Variants in NEK11 observed in about 807,000 individuals in gnomAD.
The protein encoded by NEK11 is serine/threonine-protein kinase Nek11.
Under a neutral mutation model 80.7 loss-of-function variants are expected in NEK11, and 72 were observed. The observed-to-expected ratio is 0.89, with a 90% confidence interval of 0.74 to 1.08. The LOEUF (loss-of-function observed/expected upper bound fraction) is 1.08. Ranked by LOEUF, NEK11 falls within the 50% of genes least tolerant of loss-of-function variation. The probability of loss-of-function intolerance (pLI) is 0.00; values close to 1 mark genes in which losing one functional copy is unlikely to be tolerated. For missense variants in NEK11, 764 were observed against 763.6 expected, an observed-to-expected ratio of 1.00 and a Z score of -0.01; for synonymous variants, 251 against 260.7, an observed-to-expected ratio of 0.96 and a Z score of 0.36.
At chr3:131,238,721 G>A (rs949915703) in intron 15 of NEK11, among the ~76,000 whole-genome samples, 1 of 152,192 alleles carries the variant, frequency 6.6e-6, no homozygotes, top group East Asian at 1.9e-4. Flanking sequence ...AAAGCTCCAG[G>A]TCATGAAAAC....
At chr3:131,112,525 T>TA (rs2080305001) in intron 5 of NEK11, among the ~76,000 whole-genome samples, 2 of 152,194 alleles carry the variant, frequency 1.3e-5, no homozygotes, top group South Asian at 2.1e-4. Context: ...GATATATATG[T>TA]AAAAAATCAT....
At chr3:131,241,500 GA>G (rs1388729214) in intron 15 of NEK11, among the ~76,000 whole-genome samples, 4 of 151,974 alleles carry the variant, frequency 2.6e-5, no homozygotes, top group Non-Finnish European at 5.9e-5. Context: ...TTTCTGTTTG[GA>G]AACAGAAAAA....
At chr3:131,103,496 C>T (rs570751091) in intron 4 of NEK11, among the ~76,000 whole-genome samples, 8 of 152,292 alleles carry the variant, frequency 5.3e-5, no homozygotes, top group African/African-American at 1.9e-4. Context: ...AGCGTATTTG[C>T]TGGTAGAGGC....
chr3:131,171,581 A>C (rs1237139264), intron 14 of NEK11, among the ~76,000 whole-genome samples: 1 of 152,212 alleles, frequency 6.6e-6, no homozygotes, highest in African/African-American at 2.4e-5. Flanking sequence ...CTGACAACAT[A>C]ATCTCTCTAG....
At chr3:131,196,676 G>GC (rs2094023287) in intron 14 of NEK11, among the ~76,000 whole-genome samples, 1 of 151,958 alleles carries the variant, frequency 6.6e-6, no homozygotes, top group African/African-American at 2.4e-5. Context: ...TGGGACTACA[G>GC]GTGGTGCCAC....
intron 15 of NEK11, 23 bp downstream of exon 15, chr3:131,228,711 A>G: frequency 5.6e-6 from 9 of 1,605,688 alleles, no homozygotes; most frequent in Non-Finnish European, 6.8e-6. Flanking sequence ...CCCTGTCGGA[A>G]GCCATGGAAC....
Position 131,347,467 on chromosome 3 carries a change from A to G in NEK11, c.1719-2090A>G, listed in dbSNP as rs1445418150. Among the ~76,000 whole-genome samples, 4 of 152,216 alleles carry G rather than the reference A, an allele frequency of 2.6e-5. No homozygotes were observed. In the South Asian group the frequency reaches 8.3e-4, roughly 32 times the overall value. On this transcript the variant is annotated intron_variant, in intron 17 of 17. Coordinates refer to ENST00000383366, the MANE Select transcript of NEK11 (RefSeq NM_024800.5). Reference sequence around the variant, plus strand: ...AGAAGAATTACCTATTCATCTCTTTATCGGCCACAATACGTAACACATATC... The same window carrying G: ...AGAAGAATTACCTATTCATCTCTTTGTCGGCCACAATACGTAACACATATC...
At chr3:131,338,272 T>G (rs1046130258) in intron 17 of NEK11, among the ~76,000 whole-genome samples, 4 of 147,404 alleles carry the variant, frequency 2.7e-5, no homozygotes, top group Non-Finnish European at 6.0e-5. Context: ...GCTGGTTTTT[T>G]TTTTTTTTTT....
intron 13 of NEK11, among the ~76,000 whole-genome samples, chr3:131,170,465 G>T (rs1302556244): frequency 6.6e-6 from 1 of 152,090 alleles, no homozygotes; most frequent in African/African-American, 2.4e-5. Flanking sequence ...ATTGAAGAAG[G>T]CCCCCCTCAG....
chr3:131,219,568 A>AAT (rs397734854), intron 14 of NEK11, among the ~76,000 whole-genome samples: 5 of 151,370 alleles, frequency 3.3e-5, no homozygotes, highest in African/African-American at 1.2e-4. Flanking sequence ...AAAAAAAAAA[A>AAT]GAGGAATAAG....
intron 17 of NEK11, among the ~76,000 whole-genome samples, chr3:131,309,866 G>A (rs2096760554): frequency 6.6e-6 from 1 of 151,608 alleles, no homozygotes; most frequent in Non-Finnish European, 1.5e-5. Context: ...GCACATGCCT[G>A]TAGTCCCAGC....
chr3:131,109,979 T>A, intron 5 of NEK11, 58 bp downstream of exon 5: 10 of 1,517,778 alleles, frequency 6.6e-6, no homozygotes, highest in Non-Finnish European at 7.0e-6. Context: ...TGTTTGAACT[T>A]GAAAAGTGAA....
intron 17 of NEK11, among the ~76,000 whole-genome samples, chr3:131,306,589 T>C (rs910526668): frequency 2.0e-5 from 3 of 152,206 alleles, no homozygotes; most frequent in Non-Finnish European, 1.5e-5. Context: ...GGACATTTTC[T>C]TTCACCTGGG....
At chr3:131,338,043 T>A (rs1311319686) in intron 17 of NEK11, among the ~76,000 whole-genome samples, 6 of 152,164 alleles carry the variant, frequency 3.9e-5, no homozygotes, top group Non-Finnish European at 8.8e-5. Context: ...CTTGGCTCAC[T>A]GCAGCCTCCA....
chr3:131,203,578 A>AT (rs1167370180), intron 14 of NEK11, among the ~76,000 whole-genome samples: 29 of 150,042 alleles, frequency 1.9e-4, no homozygotes, highest in African/African-American at 6.8e-4. Context: ...TTAAAGTATA[A>AT]TAAAAAAAAA....
At chr3:131,228,775 G>A in intron 15 of NEK11, 87 bp downstream of exon 15, 1 of 1,350,332 alleles carries the variant, frequency 7.4e-7, no homozygotes, top group Non-Finnish European at 1.0e-6. Context: ...CTTATAAGGT[G>A]AAGTTGGGGA....
intron 3 of NEK11, among the ~76,000 whole-genome samples, chr3:131,034,559 C>T (rs1269642256): frequency 1.3e-5 from 2 of 152,164 alleles, no homozygotes; most frequent in African/African-American, 2.4e-5. Flanking sequence ...GCCACCACAC[C>T]CGGCTAATTT....
chr3:131,205,118 A>G (rs943893779), intron 14 of NEK11, among the ~76,000 whole-genome samples: 6 of 152,194 alleles, frequency 3.9e-5, no homozygotes, highest in Admixed American at 3.3e-4. Flanking sequence ...GTATGGCAAG[A>G]TGCTGGAGCT....
chr3:131,281,219 G>A (rs996141204), intron 17 of NEK11, among the ~76,000 whole-genome samples: 2 of 152,132 alleles, frequency 1.3e-5, no homozygotes, highest in African/African-American at 2.4e-5. Context: ...TCTATTAAAA[G>A]CCATATTTAA....
Sources: allele counts gnomAD v4.1 joint callset (sites outside exome capture counted in the v4.1 genomes callset), GRCh38; gene constraint gnomAD v4.1.1; transcripts MANE v1.5; gene names NCBI Gene and HGNC (gene_info 2026-07-23, HGNC 2026-07-21).